Variants in MDGA2 observed in about 807,000 individuals in gnomAD.
MDGA2 encodes MAM domain containing glycosylphosphatidylinositol anchor 2.
A neutral mutation model predicts 117.8 loss-of-function variants in MDGA2; 40 were observed. That is an observed-to-expected ratio of 0.34 (90% CI 0.26 to 0.44). The LOEUF (loss-of-function observed/expected upper bound fraction) is 0.44. MDGA2 is among the 20% of genes least tolerant of loss of function. The pLI, the probability that MDGA2 is intolerant of heterozygous loss-of-function variation, is 1.00. For missense variants in MDGA2, 1,123 were observed against 1,250.6 expected, an observed-to-expected ratio of 0.90 and a Z score of 1.54; for synonymous variants, 452 against 439.0, an observed-to-expected ratio of 1.03 and a Z score of -0.37.
chr14:47,498,367 C>T (rs1022619428), intron 1 of MDGA2, among the ~76,000 whole-genome samples: 12 of 152,118 alleles, frequency 7.9e-5, no homozygotes, highest in Admixed American at 2.6e-4. Flanking sequence ...GCTAATATTC[C>T]TACAACAAAA....
At chr14:47,562,832 G>C (rs998166042) in intron 1 of MDGA2, among the ~76,000 whole-genome samples, 3 of 151,950 alleles carry the variant, frequency 2.0e-5, no homozygotes, top group Non-Finnish European at 2.9e-5. Context: ...TTGTTAATTT[G>C]AGACTCTGCT....
intron 2 of MDGA2, among the ~76,000 whole-genome samples, chr14:47,293,233 T>C (rs1888948403): frequency 1.3e-5 from 2 of 152,212 alleles, no homozygotes; most frequent in African/African-American, 2.4e-5. Context: ...TAAGTTTTAA[T>C]ATTCTGTGAA....
intron 1 of MDGA2, among the ~76,000 whole-genome samples, chr14:47,666,320 ACCAATCTGCG>A (rs1897960958): frequency 2.0e-5 from 3 of 151,740 alleles, no homozygotes; most frequent in African/African-American, 7.2e-5. Flanking sequence ...TTGTAAATGC[ACCAATCTGCG>A]CTCTGTGTCT....
chr14:47,603,545 T>C (rs568829972), intron 1 of MDGA2, among the ~76,000 whole-genome samples: 1 of 152,242 alleles, frequency 6.6e-6, no homozygotes, highest in Non-Finnish European at 1.5e-5. Context: ...CAAATACTTT[T>C]ATTTTGTCCA....
chr14:47,523,913 T>G (rs951720995), intron 1 of MDGA2, among the ~76,000 whole-genome samples: 7 of 152,206 alleles, frequency 4.6e-5, no homozygotes, highest in African/African-American at 1.2e-4. Flanking sequence ...GCGTCACAGT[T>G]GAAACATTTA....
chr14:46,918,760 C>CTTTTTTTTTTTTTTTTTTTTT (rs34958634), intron 10 of MDGA2, among the ~76,000 whole-genome samples: 11 of 124,804 alleles, frequency 8.8e-5, no homozygotes, highest in African/African-American at 2.0e-4. Flanking sequence ...TACAGTGTAT[C>CTTTTTTTTTTTTTTTTTTTTT]TTTTTTTTTT....
intron 2 of MDGA2, among the ~76,000 whole-genome samples, chr14:47,237,839 T>A (rs1226716842): frequency 6.6e-6 from 1 of 152,090 alleles, no homozygotes; most frequent in Non-Finnish European, 1.5e-5. Context: ...AGACACAAGG[T>A]CCACCTTCCA....
intron 3 of MDGA2, among the ~76,000 whole-genome samples, chr14:47,155,439 G>A (rs553054830): frequency 6.6e-6 from 1 of 152,240 alleles, no homozygotes; most frequent in African/African-American, 2.4e-5. Flanking sequence ...CCAGAGCTGT[G>A]ACACTCTCTT....
intron 10 of MDGA2, among the ~76,000 whole-genome samples, chr14:46,916,072 A>ACTGGTCTGTGGTGGGAC (rs2138497599): frequency 6.6e-6 from 1 of 152,326 alleles, no homozygotes; most frequent in South Asian, 2.1e-4. Flanking sequence ...AGTAGTTTCA[A>ACTGGTCTGTGGTGGGAC]CTGGTCTGTG....
chr14:47,079,477 A>T (rs1216532886), intron 6 of MDGA2, among the ~76,000 whole-genome samples: 1 of 152,192 alleles, frequency 6.6e-6, no homozygotes, highest in East Asian at 1.9e-4. Context: ...AGAATGAAAT[A>T]ATATTGGGAT....
At chr14:47,087,079 T>C (rs1004799737) in intron 6 of MDGA2, among the ~76,000 whole-genome samples, 26 of 152,192 alleles carry the variant, frequency 1.7e-4, no homozygotes, top group African/African-American at 6.3e-4. Flanking sequence ...AAATAACCAA[T>C]ACATAATTTT....
intron 2 of MDGA2, among the ~76,000 whole-genome samples, chr14:47,276,833 A>C (rs1324774615): frequency 1.3e-5 from 2 of 152,064 alleles, no homozygotes; most frequent in Non-Finnish European, 2.9e-5. Context: ...ACGCTCCTCA[A>C]TATCTTCTTC....
chr14:47,452,462 G>A (rs1166891630), intron 1 of MDGA2, among the ~76,000 whole-genome samples: 1 of 151,980 alleles, frequency 6.6e-6, no homozygotes. Context: ...CTTAAATGGT[G>A]GATATATACC....
chr14:47,180,971 T>A (rs1884679523), intron 3 of MDGA2, among the ~76,000 whole-genome samples: 1 of 151,938 alleles, frequency 6.6e-6, no homozygotes, highest in Non-Finnish European at 1.5e-5. Context: ...ACACAGATGC[T>A]GGTGAGGTTG....
chr14:46,853,386 A>G (rs1881139546), intron 15 of MDGA2, among the ~76,000 whole-genome samples: 1 of 151,878 alleles, frequency 6.6e-6, no homozygotes, highest in African/African-American at 2.4e-5. Flanking sequence ...TTTTATGAAA[A>G]CTATAAATCC....
intron 1 of MDGA2, among the ~76,000 whole-genome samples, chr14:47,645,630 TAC>T (rs1415794813): frequency 2.6e-5 from 4 of 152,008 alleles, no homozygotes; most frequent in Non-Finnish European, 4.4e-5. Flanking sequence ...ATATTATAAT[TAC>T]AGACTGTTTC....
chr14:47,207,742 T>C (rs1885739414), intron 3 of MDGA2, among the ~76,000 whole-genome samples: 4 of 152,026 alleles, frequency 2.6e-5, no homozygotes, highest in Admixed American at 2.6e-4. Flanking sequence ...CATTACCTCA[T>C]GAAACAGGGA....
chr14:47,119,081 C>T lies in MDGA2; in HGVS notation c.925+12633G>A, dbSNP rs1298547802. Among the ~76,000 whole-genome samples, 5 of 141,144 alleles carry T rather than the reference C, an allele frequency of 3.5e-5. No homozygotes were observed. In the East Asian group the frequency reaches 1.1e-3, roughly 30 times the overall value. 92.6% of individuals were successfully genotyped at this position (141,144 alleles called of 152,430 possible). On this transcript the variant is annotated intron_variant, in intron 5 of 16. Coordinates refer to ENST00000399232, the MANE Select transcript of MDGA2 (RefSeq NM_001113498.3). ...TTTTTTTTTTTTTGAGACGGAGTCT[C>T]GCTCTGTCGCCCAGGCTGGAGTGCA...
rs1882778048 is a variant in MDGA2 at position 46,889,127 on chromosome 14, G to A, written c.2239-6906C>T. ...GTTTTAATAACCCCTTTTAGGGAAAGGAGATAATAACTAACATGGCGTTAA... is the reference window on the plus strand; with the variant it reads ...GTTTTAATAACCCCTTTTAGGGAAAAGAGATAATAACTAACATGGCGTTAA... On this transcript the variant is annotated intron_variant, in intron 10 of 16. Transcript: ENST00000399232. Among the ~76,000 whole-genome samples, 4 of 152,060 alleles carry A rather than the reference G, an allele frequency of 2.6e-5. No individual in the cohort carries two copies. The South Asian group carries it at 8.3e-4, about 31-fold the overall frequency.
Sources: allele counts gnomAD v4.1 joint callset (sites outside exome capture counted in the v4.1 genomes callset), GRCh38; gene constraint gnomAD v4.1.1; transcripts MANE v1.5; gene names NCBI Gene and HGNC (gene_info 2026-07-23, HGNC 2026-07-21).